The following TOM1 variants were observed in gnomAD, a reference collection of about 807,000 sequenced individuals.
TOM1 encodes target of Myb protein 1.
Under a neutral mutation model 61.3 loss-of-function variants are expected in TOM1, and 38 were observed. That is an observed-to-expected ratio of 0.62 (90% CI 0.48 to 0.81). TOM1 has a LOEUF of 0.81. TOM1 is among the 40% of genes least tolerant of loss of function. TOM1 has a pLI of 0.00. For missense variants in TOM1, 591 were observed against 659.6 expected, an observed-to-expected ratio of 0.90 and a Z score of 1.14; for synonymous variants, 270 against 268.8, an observed-to-expected ratio of 1.00 and a Z score of -0.04.
At chr22:35,338,631 A>G (rs1448103005) in intron 11 of TOM1, 82 bp from the exon 12 acceptor site, 5 of 1,177,100 alleles carry the variant, frequency 4.2e-6, no homozygotes, top group Non-Finnish European at 5.8e-6. Flanking sequence ...GGAGCCGTCA[A>G]TCTGTGCCCC....
chr22:35,322,924 C>A (rs546745873), intron 3 of TOM1, 104 bp from the exon 4 acceptor site: 15 of 1,394,726 alleles, frequency 1.1e-5, no homozygotes, highest in Non-Finnish European at 1.4e-5. Flanking sequence ...CATCTCCTCT[C>A]CCGGGCCTCC....
At chr22:35,328,138 G>A (rs927040607) in intron 7 of TOM1, among the ~76,000 whole-genome samples, 1 of 152,206 alleles carries the variant, frequency 6.6e-6, no homozygotes, top group African/African-American at 2.4e-5. Context: ...CCTCGCCACC[G>A]TGTCTGTGTG....
chr22:35,331,848 A>G (rs1928867513), intron 8 of TOM1, among the ~76,000 whole-genome samples: 1 of 152,024 alleles, frequency 6.6e-6, no homozygotes, highest in African/African-American at 2.4e-5. Flanking sequence ...AGATCGCACC[A>G]CTGCACTCCA....
At chr22:35,303,166 G>C (rs1456886136) in intron 1 of TOM1, among the ~76,000 whole-genome samples, 2 of 149,084 alleles carry the variant, frequency 1.3e-5, no homozygotes, top group Admixed American at 6.6e-5. Flanking sequence ...GTGCTTGCTG[G>C]TCCCTCTGCC....
At chr22:35,334,804 T>C (rs1351200677) in intron 11 of TOM1, among the ~76,000 whole-genome samples, 3 of 152,014 alleles carry the variant, frequency 2.0e-5, no homozygotes, top group Non-Finnish European at 4.4e-5. Context: ...CCTAGGGCTG[T>C]CTGGTTCCAA....
intron 1 of TOM1, among the ~76,000 whole-genome samples, chr22:35,308,484 A>ATG (rs1050081070): frequency 6.6e-6 from 1 of 151,732 alleles, no homozygotes; most frequent in African/African-American, 2.4e-5. Flanking sequence ...GAGTTTCACC[A>ATG]TGTTGGCCAG....
Position 35,323,101 on chromosome 22 carries a change from G to A in TOM1, c.290G>A (p.Ser97Asn). 6.2e-7 allele frequency: 1 copy of A among 1,614,220 alleles called. No homozygotes were observed. The highest frequency in any genetic ancestry group is 8.5e-7 in the Non-Finnish European group (1 of 1,180,050). The change falls in exon 4 of 15, where the codon AGT becomes AAT. Residue 97 changes from serine to asparagine, a missense_variant. Physicochemically the swap from Ser to Asn is conservative, Grantham distance 46. Transcript: ENST00000449058. This position sits in a 1 kb window ranked among gnomAD's most constrained non-coding sequence, Gnocchi z 4.2. ...GTGGCCAGCCAGGACTTCGTGGAGA[G>A]TGTGCTGGTGAGGACCATCCTGCCC... ...VLVASQDFVE[S>N]VLVRTILPKN... is the part of the protein sequence containing the mutation.
intron 7 of TOM1, among the ~76,000 whole-genome samples, chr22:35,329,242 C>A (rs938060343): frequency 1.3e-5 from 2 of 152,240 alleles, no homozygotes; most frequent in Non-Finnish European, 2.9e-5. Flanking sequence ...AGGCACGAGC[C>A]ACCGGGTGTA....
At chr22:35,340,411 G>C (rs1377791517) in intron 12 of TOM1, among the ~76,000 whole-genome samples, 1 of 152,148 alleles carries the variant, frequency 6.6e-6, no homozygotes, top group Non-Finnish European at 1.5e-5. Flanking sequence ...TTGAGCACAG[G>C]AGGGACTTGA....
intron 1 of TOM1, among the ~76,000 whole-genome samples, chr22:35,317,441 G>A (rs1927391122): frequency 6.6e-6 from 1 of 152,154 alleles, no homozygotes. Flanking sequence ...ACCCACCTCA[G>A]CCTCCCAAAG....
chr22:35,330,865 C>A (rs1928781622), intron 8 of TOM1, among the ~76,000 whole-genome samples: 1 of 152,210 alleles, frequency 6.6e-6, no homozygotes, highest in Non-Finnish European at 1.5e-5. Context: ...CAAAACATTT[C>A]TGGCTAACTT....
At position 35,303,937 on chromosome 22, in the gene TOM1, T is replaced by C. The variant is rs147118957; in HGVS notation, c.52+3957T>C. 7.4e-3 allele frequency among the ~76,000 whole-genome samples: 1,120 copies of C among 152,240 alleles called. 30 individuals carry two copies. In the East Asian group the frequency reaches 0.082, roughly 11 times the overall value. ...CTTATTTCTCCAGACCCTCAGCACC[T>C]AGCACGGTGCCTGGCACATAGCAGG... is the stretch of plus-strand genomic sequence containing the variant. On this transcript the variant is annotated intron_variant, in intron 1 of 14. Transcript: ENST00000449058.
At chr22:35,342,082 C>T (rs970831828) in intron 12 of TOM1, among the ~76,000 whole-genome samples, 1 of 151,974 alleles carries the variant, frequency 6.6e-6, no homozygotes, top group African/African-American at 2.4e-5. Flanking sequence ...TTGAGGTTAT[C>T]GTGAGCTATG....
chr22:35,303,658 C>A (rs1011270184), intron 1 of TOM1, among the ~76,000 whole-genome samples: 2 of 151,780 alleles, frequency 1.3e-5, no homozygotes, highest in Non-Finnish European at 2.9e-5. Context: ...CCACCATGCC[C>A]GGCTAATTTT....
At chr22:35,344,367 A>C (rs947503252) in intron 12 of TOM1, 7 of 152,320 alleles carry the variant, frequency 4.6e-5, no homozygotes, top group African/African-American at 1.4e-4. Flanking sequence ...ACCCAGGAGA[A>C]GGCCCAGAGG....
At chr22:35,307,411 G>A (rs1019204270) in intron 1 of TOM1, among the ~76,000 whole-genome samples, 1 of 152,166 alleles carries the variant, frequency 6.6e-6, no homozygotes, top group African/African-American at 2.4e-5. Context: ...GTTTGCCCAT[G>A]AGCCCACCTG....
chr22:35,334,207 C>G (rs531603336), intron 10 of TOM1, 121 bp from the exon 11 acceptor site: 1 of 1,387,786 alleles, frequency 7.2e-7, no homozygotes, highest in Non-Finnish European at 9.7e-7. Context: ...CTCGCGCATT[C>G]CCCCACCCAC....
At chr22:35,326,211 A>G (rs1484008654) in intron 6 of TOM1, among the ~76,000 whole-genome samples, 1 of 152,232 alleles carries the variant, frequency 6.6e-6, no homozygotes, top group African/African-American at 2.4e-5. Context: ...GAAATCAACT[A>G]TAACTCAGCC....
Position 35,323,030 on chromosome 22 carries a change from C to T in TOM1, c.219C>T (p.Val73=), listed in dbSNP as rs781264866. ...GACGGCACCTCTCGGCCCTCCAGGTCTTAGAAACCTGTGTCAAGAACTGCG... is the reference window on the plus strand; with the variant it reads ...GACGGCACCTCTCGGCCCTCCAGGTTTTAGAAACCTGTGTCAAGAACTGCG... ...NFHEVMLALT[V]LETCVKNCGH... Residue 73 remains valine (V), a splice_region_variant and synonymous_variant, in exon 4 of 15, where the codon GTC becomes GTT. Transcript: ENST00000449058. The surrounding 1 kb of genome is among the most constrained non-coding windows in gnomAD (Gnocchi z 4.2). 5.6e-5 allele frequency: 91 copies of T among 1,613,880 alleles called. No individual in the cohort carries two copies. The highest frequency in any genetic ancestry group is 7.4e-5 in the Non-Finnish European group (87 of 1,180,032).
Sources: gnomAD v4.1 joint callset for allele counts (sites outside exome capture counted in the v4.1 genomes callset) on GRCh38, gnomAD v4.1.1 for gene constraint, Gnocchi (gnomAD v3.1) non-coding constraint, MANE v1.5 for transcripts, NCBI Gene and HGNC (gene_info 2026-07-23, HGNC 2026-07-21) for gene names.